DOCK2: variants seen among roughly 807,000 people sequenced by gnomAD.
DOCK2 encodes dedicator of cytokinesis 2.
In DOCK2, 87 loss-of-function variants were observed where a neutral mutation model predicts 248.9. That is an observed-to-expected ratio of 0.35 (90% CI 0.29 to 0.42). DOCK2 has a LOEUF of 0.42. Among genes scored for constraint, DOCK2 ranks in the 10% least tolerant of loss-of-function variants. The pLI is 1.00. For missense variants in DOCK2, 1,747 were observed against 2,300.2 expected, an observed-to-expected ratio of 0.76 and a Z score of 4.92; for synonymous variants, 805 against 821.6, an observed-to-expected ratio of 0.98 and a Z score of 0.35.
intron 2 of DOCK2, among the ~76,000 whole-genome samples, chr5:169,656,939 A>G (rs1758156956): frequency 6.6e-6 from 1 of 152,126 alleles, no homozygotes; most frequent in African/African-American, 2.4e-5. Flanking sequence ...TTCCATTTCT[A>G]ATTCAATTAG....
At chr5:169,695,754 T>G in intron 9 of DOCK2, 49 bp from the exon 10 acceptor site, 2 of 1,605,430 alleles carry the variant, frequency 1.2e-6, no homozygotes, top group Non-Finnish European at 1.7e-6. Context: ...TCTACCTTTT[T>G]TCCCCCATTC....
At chr5:169,864,143 C>T in intron 27 of DOCK2, 1 of 801,374 alleles carries the variant, frequency 1.2e-6, no homozygotes, top group Non-Finnish European at 2.0e-6. Context: ...CAAGGCTCTT[C>T]TGTTTCACAG....
intron 6 of DOCK2, among the ~76,000 whole-genome samples, chr5:169,678,312 G>C (rs538375937): frequency 6.6e-6 from 1 of 150,844 alleles, no homozygotes; most frequent in African/African-American, 2.4e-5. Context: ...GTCTCGATCT[G>C]TCACCCAGGC....
At position 169,841,281 on chromosome 5, in the gene DOCK2, A is replaced by T; in HGVS notation, c.2799+429A>T. 5 of 967,594 alleles carry T rather than the reference A, an allele frequency of 5.2e-6. No individual in the cohort carries two copies. The South Asian group carries it at 1.7e-4, about 33-fold the overall frequency. The allele number at this position is 967,594 out of a possible 1,614,324, so 59.9% of individuals were successfully genotyped here. A position where few individuals can be genotyped will look rare whatever the true frequency, so the allele number is the denominator to read the frequency against. ...TTCATTGCGTGTTAATTCTGCCCAT[A>T]GATGCTGGTTATTCAAGGTCATTAC... On this transcript the variant is annotated intron_variant, in intron 27 of 51. Transcript: ENST00000520908.
intron 30 of DOCK2, among the ~76,000 whole-genome samples, chr5:169,997,783 T>C (rs539240238): frequency 6.6e-6 from 1 of 152,178 alleles, no homozygotes; most frequent in South Asian, 2.1e-4. Flanking sequence ...CTATGTCTAC[T>C]TCTTTCTACA....
chr5:169,739,130 T>G (rs564552490), intron 22 of DOCK2, among the ~76,000 whole-genome samples: 42 of 152,338 alleles, frequency 2.8e-4, no homozygotes, highest in African/African-American at 9.6e-4. Flanking sequence ...TGGAAGAGCC[T>G]GGGGTTAATT....
intron 27 of DOCK2, among the ~76,000 whole-genome samples, chr5:169,979,123 G>T (rs1777846911): frequency 6.6e-6 from 1 of 152,172 alleles, no homozygotes; most frequent in African/African-American, 2.4e-5. Flanking sequence ...GGGGATTCTT[G>T]CTAGCCTGGA....
At chr5:169,903,562 G>T (rs1463279331) in intron 27 of DOCK2, among the ~76,000 whole-genome samples, 6 of 151,982 alleles carry the variant, frequency 3.9e-5, no homozygotes, top group African/African-American at 1.4e-4. Context: ...GGGCACAAGT[G>T]GGGAGATGGG....
chr5:170,008,212 ACAACAACAACAAC>A (rs1162702318), intron 30 of DOCK2, among the ~76,000 whole-genome samples: 3 of 68,306 alleles, frequency 4.4e-5, no homozygotes, highest in African/African-American at 1.5e-4. Context: ...AACAACAACA[ACAACAACAACAAC>A]AAAAAAAAAA....
At position 169,719,872 on chromosome 5, in the gene DOCK2, CAAAAG is replaced by C. The variant is rs375719452; in HGVS notation, c.2267+1085_2267+1089del. ...ACTTGTTATTTTAGAGATGAGTTCT[CAAAAG>C]AAACTTGAATTAGCCTGGGCAACAA... On this transcript the variant is annotated intron_variant, in intron 22 of 51. Coordinates refer to ENST00000520908, the MANE Select transcript of DOCK2 (RefSeq NM_004946.3). Among the ~76,000 whole-genome samples the C allele has an allele frequency of 2.0e-3, 297 of 149,310 alleles. 1 individual carries two copies. The highest frequency in any genetic ancestry group is 7.1e-3 in the African/African-American group (287 of 40,394).
chr5:169,747,007 C>T (rs898678623), intron 22 of DOCK2, among the ~76,000 whole-genome samples: 4 of 152,320 alleles, frequency 2.6e-5, no homozygotes, highest in Non-Finnish European at 5.9e-5. Context: ...AATGGCAGTG[C>T]ATTTGAAAAT....
intron 23 of DOCK2, among the ~76,000 whole-genome samples, chr5:169,757,474 G>A (rs1405290311): frequency 6.6e-6 from 1 of 152,152 alleles, no homozygotes; most frequent in Non-Finnish European, 1.5e-5. Flanking sequence ...TGGGACAAGA[G>A]GCTCCAATAG....
At chr5:170,056,804 G>A (rs779600941) in intron 43 of DOCK2, 36 bp downstream of exon 43, 11 of 1,579,420 alleles carry the variant, frequency 7.0e-6, no homozygotes, top group Admixed American at 6.7e-5. Context: ...ATTCCCTGGA[G>A]CCACCTGGAG....
chr5:170,046,057 A>G, intron 39 of DOCK2, 152 bp downstream of exon 39: 1 of 685,810 alleles, frequency 1.5e-6, no homozygotes, highest in Non-Finnish European at 2.6e-6. Context: ...GGCTGTACTG[A>G]GCATCTCCCT....
At chr5:169,828,147 C>G (rs1160746904) in intron 26 of DOCK2, among the ~76,000 whole-genome samples, 1 of 152,134 alleles carries the variant, frequency 6.6e-6, no homozygotes, top group Non-Finnish European at 1.5e-5. Flanking sequence ...TAACTGCATG[C>G]GTAGATCAGA....
At chr5:170,012,473 A>C (rs1270038653) in intron 32 of DOCK2, among the ~76,000 whole-genome samples, 1 of 152,244 alleles carries the variant, frequency 6.6e-6, no homozygotes, top group Admixed American at 6.5e-5. Flanking sequence ...CTCATCAAGA[A>C]CAACTTGAGC....
Position 169,761,580 on chromosome 5 carries a change from C to G in DOCK2, c.2509C>G (p.Gln837Glu). 6.2e-7 allele frequency: 1 copy of G among 1,614,096 alleles called. No individual in the cohort carries two copies. Among genetic ancestry groups the G allele is most frequent in the South Asian group, 1.1e-5 (1 of 91,082 alleles). Residue 837 changes from glutamine (Q) to glutamate (E), a missense_variant, in exon 25 of 52, where the codon CAG (glutamine) becomes GAG (glutamate). Physicochemically the swap from Gln to Glu is conservative, Grantham distance 29 (BLOSUM62 2). This residue lies in a region of DOCK2 where 858 missense variants were observed against 1,183.5 expected (regional missense o/e 0.72). Transcript: ENST00000520908. ...PPVKLQKQKV[Q>E]SMNEIVQSNL... ...TGTGAAACTCCAGAAGCAGAAAGTA[C>G]AGTCTATGAATGAGATAGTCCAGAG... is the stretch of plus-strand genomic sequence containing the variant.
chr5:169,746,217 A>G (rs1448279367), intron 22 of DOCK2, among the ~76,000 whole-genome samples: 1 of 152,180 alleles, frequency 6.6e-6, no homozygotes, highest in East Asian at 1.9e-4. Context: ...ATAAAGACAT[A>G]GAAACCCAAG....
At chr5:170,072,567 G>A (rs1757716400) in intron 46 of DOCK2, among the ~76,000 whole-genome samples, 1 of 152,168 alleles carries the variant, frequency 6.6e-6, no homozygotes, top group South Asian at 2.1e-4. Flanking sequence ...GAATTGCTGG[G>A]CCATGCACAT....
Sources: gnomAD v4.1 joint callset for allele counts (sites outside exome capture counted in the v4.1 genomes callset) on GRCh38, gnomAD v4.1.1 for gene constraint, gnomAD v4.1.1 regional missense constraint, MANE v1.5 for transcripts, NCBI Gene and HGNC (gene_info 2026-07-23, HGNC 2026-07-21) for gene names.